Variants in WIPF3 observed in about 807,000 individuals in gnomAD.
The protein encoded by WIPF3 is WAS/WASL-interacting protein family member 3.
A neutral mutation model predicts 38.9 loss-of-function variants in WIPF3; 33 were observed. That is an observed-to-expected ratio of 0.85 (90% CI 0.64 to 1.14). The LOEUF (loss-of-function observed/expected upper bound fraction) is 1.14. Among genes scored for constraint, WIPF3 ranks in the 50% most tolerant of loss-of-function variants. The probability of loss-of-function intolerance (pLI) is 0.00; values close to 1 mark genes in which losing one functional copy is unlikely to be tolerated. For synonymous variants in WIPF3, 324 were observed against 269.3 expected (o/e 1.20, Z -1.99); for missense variants, 711 against 652.5 (o/e 1.09, Z -0.98).
intron 8 of WIPF3, among the ~76,000 whole-genome samples, chr7:29,908,836 A>C (rs1239237656): frequency 2.0e-5 from 3 of 151,430 alleles, no homozygotes; most frequent in Admixed American, 2.0e-4. Context: ...TGAACCCAGG[A>C]GACAGAGGTT....
At chr7:29,903,378 A>G (rs1786326614) in intron 7 of WIPF3, among the ~76,000 whole-genome samples, 2 of 152,232 alleles carry the variant, frequency 1.3e-5, no homozygotes, top group South Asian at 4.1e-4. Context: ...TACGTTACCT[A>G]AAAACCTATG....
chr7:29,863,285 A>G (rs1785329401), intron 2 of WIPF3, among the ~76,000 whole-genome samples: 1 of 152,168 alleles, frequency 6.6e-6, no homozygotes, highest in Admixed American at 6.5e-5. Flanking sequence ...TATTATCATT[A>G]TTATTCCATT....
At chr7:29,902,087 C>T (rs895309136) in intron 7 of WIPF3, among the ~76,000 whole-genome samples, 1 of 151,858 alleles carries the variant, frequency 6.6e-6, no homozygotes, top group Non-Finnish European at 1.5e-5. Flanking sequence ...CACACAGGAC[C>T]GCCCCCACAA....
At chr7:29,858,099 A>G (rs1222103436) in intron 2 of WIPF3, among the ~76,000 whole-genome samples, 3 of 152,214 alleles carry the variant, frequency 2.0e-5, no homozygotes, top group Non-Finnish European at 2.9e-5. Context: ...CTCATATTAC[A>G]TAGCCATATT....
intron 1 of WIPF3, among the ~76,000 whole-genome samples, chr7:29,821,289 T>A (rs2128062769): frequency 6.6e-6 from 1 of 152,298 alleles, no homozygotes; most frequent in Admixed American, 6.5e-5. Flanking sequence ...TTTTATTTAT[T>A]AATAAATTGA....
At chr7:29,912,258 TCAAAA>T (rs939854026) in intron 8 of WIPF3, among the ~76,000 whole-genome samples, 39 of 152,092 alleles carry the variant, frequency 2.6e-4, no homozygotes, top group African/African-American at 8.9e-4. Flanking sequence ...ACGGCTGCTA[TCAAAA>T]CAAAACAAAA....
At chr7:29,913,841 T>C (rs1786551972) in intron 8 of WIPF3, among the ~76,000 whole-genome samples, 2 of 152,230 alleles carry the variant, frequency 1.3e-5, no homozygotes, top group South Asian at 4.1e-4. Flanking sequence ...TGTCACACAC[T>C]GTGCAGGATC....
chr7:29,870,957 CA>C (rs397736411), intron 2 of WIPF3, among the ~76,000 whole-genome samples: 209 of 132,838 alleles, frequency 1.6e-3, no homozygotes, highest in Middle Eastern at 3.9e-3. Context: ...ACCCCATCTC[CA>C]AAAAAAAAAA....
At chr7:29,853,030 G>C (rs1785129054) in intron 2 of WIPF3, among the ~76,000 whole-genome samples, 1 of 152,216 alleles carries the variant, frequency 6.6e-6, no homozygotes, top group Non-Finnish European at 1.5e-5. Flanking sequence ...TAGATTCTGA[G>C]ACAAGGCTTT....
intron 5 of WIPF3, among the ~76,000 whole-genome samples, chr7:29,884,892 A>C (rs527416001): frequency 6.6e-5 from 10 of 152,302 alleles, no homozygotes; most frequent in African/African-American, 2.4e-4. Flanking sequence ...TTAAGGATTA[A>C]GTGAGTTCTT....
At chr7:29,893,961 C>T (rs1014645031) in intron 7 of WIPF3, among the ~76,000 whole-genome samples, 15 of 152,314 alleles carry the variant, frequency 9.8e-5, no homozygotes, top group African/African-American at 2.9e-4. Context: ...ATTACAACTA[C>T]TCAATTCTGC....
At chr7:29,901,794 T>C (rs1411207024) in intron 7 of WIPF3, among the ~76,000 whole-genome samples, 33 of 126,146 alleles carry the variant, frequency 2.6e-4, no homozygotes, top group Admixed American at 5.3e-4. Context: ...GCTGAGATCA[T>C]GCCACTGCGC....
intron 2 of WIPF3, among the ~76,000 whole-genome samples, chr7:29,852,719 A>G (rs1413762825): frequency 3.9e-5 from 6 of 152,210 alleles, no homozygotes; most frequent in Non-Finnish European, 8.8e-5. Flanking sequence ...TGCCAAATGT[A>G]GTTGCCCCCT....
At chr7:29,882,169 T>A (rs1011088782) in intron 4 of WIPF3, among the ~76,000 whole-genome samples, 3 of 152,234 alleles carry the variant, frequency 2.0e-5, no homozygotes, top group Admixed American at 2.0e-4. Flanking sequence ...ACTGACTCAC[T>A]TTAAGGGTTT....
At chr7:29,909,877 C>G (rs1473103456) in intron 8 of WIPF3, among the ~76,000 whole-genome samples, 5 of 143,442 alleles carry the variant, frequency 3.5e-5, no homozygotes, top group Non-Finnish European at 7.6e-5. Flanking sequence ...CCCTGGGTGA[C>G]AGAGTGAAAC....
intron 7 of WIPF3, among the ~76,000 whole-genome samples, chr7:29,890,371 AAGAGAG>A (rs1404080031): frequency 9.1e-5 from 2 of 21,958 alleles, no homozygotes; most frequent in Non-Finnish European, 1.4e-4. Context: ...AAAAAAAAAA[AAGAGAG>A]AGAGAGAATG....
Position 29,879,132 on chromosome 7 carries a change from A to T in WIPF3, c.347A>T (p.Asp116Val). The change falls in exon 4 of 9, where the codon GAT becomes GTT. Residue 116 changes from aspartate to valine, a missense_variant. By Grantham distance (152) the Asp-to-Val change is radical (BLOSUM62 -3). Transcript: ENST00000242140. ...FPVLRPAGQRDVAGGKTGQGP... is the reference protein window; with the variant it reads ...FPVLRPAGQRVVAGGKTGQGP... ...GTATTGCGACCAGCAGGCCAGCGGG[A>T]TGTAGCAGGTAAGGAAGAATTCATT... is the stretch of plus-strand genomic sequence containing the variant. 1 of 1,611,142 alleles carries T rather than the reference A, an allele frequency of 6.2e-7. No homozygotes were observed. Among genetic ancestry groups the T allele is most frequent in the Non-Finnish European group, 8.5e-7 (1 of 1,178,424 alleles).
chr7:29,852,723 G>GC (rs1406429177), intron 2 of WIPF3, among the ~76,000 whole-genome samples: 3 of 152,200 alleles, frequency 2.0e-5, no homozygotes, highest in African/African-American at 7.2e-5. Flanking sequence ...AAATGTAGTT[G>GC]CCCCCTACCC....
chr7:29,811,753 C>A (rs1280883877), intron 1 of WIPF3, among the ~76,000 whole-genome samples: 1 of 152,184 alleles, frequency 6.6e-6, no homozygotes, highest in East Asian at 1.9e-4. Flanking sequence ...TTTCCTAGAA[C>A]TTTATTGACT....
Sources: gnomAD v4.1 joint callset for allele counts (sites outside exome capture counted in the v4.1 genomes callset) on GRCh38, gnomAD v4.1.1 for gene constraint, MANE v1.5 for transcripts, NCBI Gene and HGNC (gene_info 2026-07-23, HGNC 2026-07-21) for gene names.